The following IPCEF1 variants were observed in gnomAD, a reference collection of about 807,000 sequenced individuals.
IPCEF1 encodes the protein interactor protein for cytohesin exchange factors 1.
In IPCEF1, 31 loss-of-function variants were observed where a neutral mutation model predicts 50.9. The ratio of observed to expected loss-of-function variants is 0.61; its 90% CI spans 0.46 to 0.82. IPCEF1 has a LOEUF of 0.82. Among genes scored for constraint, IPCEF1 ranks in the 40% least tolerant of loss-of-function variants. IPCEF1 has a pLI of 0.00. For synonymous variants in IPCEF1, 181 were observed against 192.0 expected (o/e 0.94, Z 0.47); for missense variants, 458 against 514.0 (o/e 0.89, Z 1.05).
chr6:154,259,906 T>C (rs1781553752), intron 3 of IPCEF1, among the ~76,000 whole-genome samples: 1 of 152,176 alleles, frequency 6.6e-6, no homozygotes, highest in Non-Finnish European at 1.5e-5. Context: ...GTTATGTTGA[T>C]GTAGCCTGAA....
chr6:154,230,140 T>C (rs1779608541), intron 5 of IPCEF1, among the ~76,000 whole-genome samples: 2 of 152,166 alleles, frequency 1.3e-5, no homozygotes, highest in Non-Finnish European at 2.9e-5. Context: ...ATTATGATGG[T>C]TGCATCACTT....
At chr6:154,164,603 T>G (rs1022119931) in intron 11 of IPCEF1, among the ~76,000 whole-genome samples, 1 of 152,172 alleles carries the variant, frequency 6.6e-6, no homozygotes, top group Non-Finnish European at 1.5e-5. Context: ...AAAAATACCA[T>G]GAAAGAGAGA....
intron 5 of IPCEF1, among the ~76,000 whole-genome samples, chr6:154,234,905 C>T (rs1282753605): frequency 1.3e-5 from 2 of 152,124 alleles, no homozygotes; most frequent in Non-Finnish European, 2.9e-5. Context: ...TGTCCTCTGC[C>T]GTGTAAAATC....
At chr6:154,227,593 C>A (rs551201394) in intron 5 of IPCEF1, among the ~76,000 whole-genome samples, 3 of 152,192 alleles carry the variant, frequency 2.0e-5, no homozygotes, top group Admixed American at 6.5e-5. Flanking sequence ...CAGCACACGC[C>A]TATATTCCCA....
At chr6:154,261,817 C>T (rs1781608948) in intron 3 of IPCEF1, among the ~76,000 whole-genome samples, 1 of 152,060 alleles carries the variant, frequency 6.6e-6, no homozygotes, top group Non-Finnish European at 1.5e-5. Flanking sequence ...TATTCCTTCC[C>T]CCTACCCCCA....
chr6:154,172,661 C>T (rs1219725626), intron 10 of IPCEF1, among the ~76,000 whole-genome samples: 1 of 152,196 alleles, frequency 6.6e-6, no homozygotes. Context: ...CAGGGAAGCT[C>T]GAACTGGGCG....
chr6:154,327,836 A>T lies in IPCEF1; in HGVS notation c.-62+28836T>A, dbSNP rs375851855. ...GAATCAACCTAAATGCCCATCAATG[A>T]TAGACTGGATAAAGAAAATGTGGTC... On this transcript the variant is annotated intron_variant, in intron 1 of 11. Transcript: ENST00000367220. Among the ~76,000 whole-genome samples the T allele has an allele frequency of 5.3e-5, 8 of 152,358 alleles. No individual in the cohort carries two copies. In the South Asian group the frequency reaches 1.4e-3, roughly 28 times the overall value.
At chr6:154,207,318 A>C (rs552737126) in intron 9 of IPCEF1, among the ~76,000 whole-genome samples, 2 of 152,346 alleles carry the variant, frequency 1.3e-5, no homozygotes, top group Admixed American at 1.3e-4. Context: ...CATATGGCTT[A>C]CAATCATTTT....
intron 5 of IPCEF1, among the ~76,000 whole-genome samples, chr6:154,238,114 T>A (rs1421218962): frequency 6.6e-6 from 1 of 152,250 alleles, no homozygotes; most frequent in African/African-American, 2.4e-5. Context: ...GAAATATGTT[T>A]CTATGTATTA....
chr6:154,198,623 A>ATAT (rs1269775116), intron 10 of IPCEF1, among the ~76,000 whole-genome samples: 1 of 104,878 alleles, frequency 9.5e-6, no homozygotes, highest in Non-Finnish European at 2.0e-5. Flanking sequence ...TACTTTTAAA[A>ATAT]TATTACATAC....
chr6:154,251,256 A>C (rs1437480978), intron 3 of IPCEF1, among the ~76,000 whole-genome samples: 1 of 152,222 alleles, frequency 6.6e-6, no homozygotes, highest in African/African-American at 2.4e-5. Context: ...AAGCAGTAAT[A>C]AAAACAATGA....
chr6:154,211,590 A>G (rs1777969342), intron 9 of IPCEF1, among the ~76,000 whole-genome samples: 1 of 152,232 alleles, frequency 6.6e-6, no homozygotes, highest in South Asian at 2.1e-4. Context: ...AATAGGAAAC[A>G]ATTTTTGAAA....
chr6:154,330,738 G>A lies in IPCEF1; in HGVS notation c.-62+25934C>T, dbSNP rs186901919. Among the ~76,000 whole-genome samples, 3 of 152,116 alleles carry A rather than the reference G, an allele frequency of 2.0e-5. No individual in the cohort carries two copies. The East Asian group carries it at 5.8e-4, about 29-fold the overall frequency. On this transcript the variant is annotated intron_variant, in intron 1 of 11. Transcript: ENST00000367220. ...ACAAGTATGTTCAGCTGTGGAACTG[G>A]GCCTTCCTAAGTTCTGATTCTGTCT...
chr6:154,329,836 T>C (rs1211401172), intron 1 of IPCEF1, among the ~76,000 whole-genome samples: 2 of 152,074 alleles, frequency 1.3e-5, no homozygotes, highest in Non-Finnish European at 2.9e-5. Flanking sequence ...AAAGACTGGA[T>C]CACCTGACAT....
Position 154,172,010 on chromosome 6 carries a change from T to C in IPCEF1, c.911-3897A>G, listed in dbSNP as rs143481074. Reference sequence around the variant, plus strand: ...AAGAGTATGACAAAGATAAATAGAATGGTTTCTTTACATTTCTCTGTGTTC... The same window carrying C: ...AAGAGTATGACAAAGATAAATAGAACGGTTTCTTTACATTTCTCTGTGTTC... On this transcript the variant is annotated intron_variant, in intron 10 of 11. Coordinates refer to ENST00000367220, the MANE Select transcript of IPCEF1 (RefSeq NM_001130700.2). Among the ~76,000 whole-genome samples the C allele has an allele frequency of 2.4e-3, 369 of 152,346 alleles. 2 individuals are homozygous for C. The highest frequency in any genetic ancestry group is 8.4e-3 in the African/African-American group (349 of 41,586).
At chr6:154,251,982 A>C (rs1312607672) in intron 3 of IPCEF1, among the ~76,000 whole-genome samples, 1 of 152,208 alleles carries the variant, frequency 6.6e-6, no homozygotes, top group Non-Finnish European at 1.5e-5. Context: ...AGAAATGTAC[A>C]TATTGTTTCA....
rs966763414 is a variant in IPCEF1 at position 154,289,709 on chromosome 6, A to G, written c.-18+4T>C. The G allele has an allele frequency of 5.9e-5, 9 of 151,888 alleles. No homozygotes were observed. The highest frequency in any genetic ancestry group is 2.2e-4 in the African/African-American group (9 of 41,342). 9.4% of individuals were successfully genotyped at this position (151,888 alleles called of 1,614,324 possible). A position where few individuals can be genotyped will look rare whatever the true frequency, so the allele number is the denominator to read the frequency against. ...TTCGTTGCAAAGAATTTTCAATTAC[A>G]TACCAAAAAGTTATGAATTTTCTTG... On this transcript the variant is annotated splice_donor_region_variant and intron_variant, in intron 2 of 11. Transcript: ENST00000367220.
intron 3 of IPCEF1, among the ~76,000 whole-genome samples, chr6:154,259,544 C>T (rs938382906): frequency 3.3e-5 from 5 of 151,884 alleles, no homozygotes; most frequent in South Asian, 2.1e-4. Flanking sequence ...CCCAGCTACT[C>T]GGGAGGCTGA....
chr6:154,254,233 T>A (rs956943270), intron 3 of IPCEF1, among the ~76,000 whole-genome samples: 1 of 152,194 alleles, frequency 6.6e-6, no homozygotes, highest in Non-Finnish European at 1.5e-5. Context: ...ACATTCTATA[T>A]TAGTCCATTC....
Sources: allele counts gnomAD v4.1 joint callset (sites outside exome capture counted in the v4.1 genomes callset), GRCh38; gene constraint gnomAD v4.1.1; transcripts MANE v1.5; gene names NCBI Gene and HGNC (gene_info 2026-07-23, HGNC 2026-07-21).